Variants in POU6F2 observed in about 807,000 individuals in gnomAD.
POU6F2 encodes POU class 6 homeobox 2.
In POU6F2, 31 loss-of-function variants were observed where a neutral mutation model predicts 71.3. That is an observed-to-expected ratio of 0.43 (90% CI 0.33 to 0.59). POU6F2 has a LOEUF of 0.59. Ranked by LOEUF, POU6F2 falls within the 20% of genes least tolerant of loss-of-function variation. POU6F2 has a pLI of 0.04. For missense variants in POU6F2, 783 were observed against 856.8 expected, an observed-to-expected ratio of 0.91 and a Z score of 1.07; for synonymous variants, 347 against 355.7, an observed-to-expected ratio of 0.98 and a Z score of 0.27.
intron 1 of POU6F2, chr7:39,006,761 G>T: frequency 7.8e-7 from 1 of 1,276,368 alleles, no homozygotes; most frequent in South Asian, 1.2e-5. Flanking sequence ...TTCTAGGCAT[G>T]AACTCTCTTG....
chr7:39,183,163 C>A (rs760787612), intron 2 of POU6F2, among the ~76,000 whole-genome samples: 2 of 152,114 alleles, frequency 1.3e-5, no homozygotes, highest in South Asian at 2.1e-4. Context: ...ACTGTGCATG[C>A]GAGGGATCTA....
At chr7:39,267,381 A>G (rs1447173989) in intron 4 of POU6F2, among the ~76,000 whole-genome samples, 1 of 152,180 alleles carries the variant, frequency 6.6e-6, no homozygotes, top group Non-Finnish European at 1.5e-5. Flanking sequence ...TCATTTATGT[A>G]TTCAATAAAT....
intron 6 of POU6F2, among the ~76,000 whole-genome samples, chr7:39,426,398 GTCCCAGTGGCCAT>G (rs1276632226): frequency 3.9e-5 from 6 of 152,106 alleles, no homozygotes; most frequent in Admixed American, 6.5e-5. Flanking sequence ...CTCTGGTGTT[GTCCCAGTGGCCAT>G]TCCCCAAGGG....
At chr7:39,119,829 T>C (rs1792005608) in intron 2 of POU6F2, among the ~76,000 whole-genome samples, 1 of 152,212 alleles carries the variant, frequency 6.6e-6, no homozygotes, top group Non-Finnish European at 1.5e-5. Context: ...CTATAATTTC[T>C]CCAGGTCAAT....
intron 1 of POU6F2, among the ~76,000 whole-genome samples, chr7:39,078,182 T>C (rs1791036490): frequency 6.6e-6 from 1 of 152,202 alleles, no homozygotes; most frequent in South Asian, 2.1e-4. Flanking sequence ...GCCAATTATT[T>C]CCAAATAGTT....
intron 5 of POU6F2, among the ~76,000 whole-genome samples, chr7:39,372,952 T>A (rs1583557745): frequency 6.6e-6 from 1 of 152,050 alleles, no homozygotes; most frequent in Non-Finnish European, 1.5e-5. Flanking sequence ...ATTTAAAAAA[T>A]TAAAATATAA....
intron 2 of POU6F2, among the ~76,000 whole-genome samples, chr7:39,192,711 A>G (rs1793693434): frequency 6.6e-6 from 1 of 152,194 alleles, no homozygotes; most frequent in South Asian, 2.1e-4. Context: ...GCATTCCTCC[A>G]GCACATTTTC....
chr7:39,309,853 C>A (rs1349541990), intron 4 of POU6F2, among the ~76,000 whole-genome samples: 1 of 152,168 alleles, frequency 6.6e-6, no homozygotes, highest in African/African-American at 2.4e-5. Context: ...GCCTTTTAAA[C>A]CTTTTCTCGC....
At chr7:39,266,119 G>T in intron 4 of POU6F2, among the ~76,000 whole-genome samples, 1 of 152,178 alleles carries the variant, frequency 6.6e-6, no homozygotes, top group African/African-American at 2.4e-5. Context: ...GATTCACCAG[G>T]CCTTTTTCAT....
rs745726206 is a variant in POU6F2 at position 39,174,232 on chromosome 7, GA to G, written c.278-30000del. 5.0e-4 allele frequency among the ~76,000 whole-genome samples: 76 copies of G among 152,196 alleles called. 1 individual carries two copies. Among genetic ancestry groups the G allele is most frequent in the Non-Finnish European group, 8.2e-4 (56 of 68,026 alleles). On this transcript the variant is annotated intron_variant, in intron 2 of 9. Coordinates refer to ENST00000518318, the MANE Select transcript of POU6F2 (RefSeq NM_001370959.1). ...CCAAATCTCACAGATAATGCTGTAT[GA>G]AAGGCAAATGCTCTTGCTGACCAAC...
rs1788663072 is a variant in POU6F2, at chr7:39,451,590, C to T, written c.1378C>T (p.His460Tyr). Reference sequence around the variant, plus strand: ...AGCAGCCTCCCAAGGCAACCTTCTGCACCTGGCTCACAGCCAAGCATCCAT... The same window carrying T: ...AGCAGCCTCCCAAGGCAACCTTCTGTACCTGGCTCACAGCCAAGCATCCAT... The part of the protein sequence containing the change: ...GQAASQGNLL[H>Y]LAHSQASMSQ... Residue 460 changes from histidine (H) to tyrosine (Y), a missense_variant, in exon 8 of 10, where the codon CAC becomes TAC. Transcript: ENST00000518318. 6.2e-7 allele frequency: 1 copy of T among 1,613,760 alleles called. No homozygotes were observed. Among genetic ancestry groups the T allele is most frequent in the Non-Finnish European group, 8.5e-7 (1 of 1,179,752 alleles).
intron 2 of POU6F2, among the ~76,000 whole-genome samples, chr7:39,124,076 T>G (rs1405027404): frequency 1.4e-5 from 2 of 142,490 alleles, no homozygotes; most frequent in Non-Finnish European, 1.5e-5. Flanking sequence ...AGACAGAGTC[T>G]TGCTCTGTCA....
At chr7:39,353,662 A>C (rs1382339827) in intron 5 of POU6F2, among the ~76,000 whole-genome samples, 1 of 152,198 alleles carries the variant, frequency 6.6e-6, no homozygotes, top group East Asian at 1.9e-4. Context: ...TTTTGAGAGA[A>C]TGACTAAGCA....
chr7:39,064,877 A>G (rs1790726351), intron 1 of POU6F2, among the ~76,000 whole-genome samples: 1 of 151,914 alleles, frequency 6.6e-6, no homozygotes, highest in Non-Finnish European at 1.5e-5. Flanking sequence ...ATTGACATCT[A>G]ATTGAAACAT....
chr7:39,105,018 G>C (rs1323816018), intron 2 of POU6F2, among the ~76,000 whole-genome samples: 1 of 152,110 alleles, frequency 6.6e-6, no homozygotes, highest in African/African-American at 2.4e-5. Flanking sequence ...GACATTAAGA[G>C]GTTTAGTTTA....
intron 1 of POU6F2, among the ~76,000 whole-genome samples, chr7:39,066,992 A>G (rs1184697720): frequency 6.8e-6 from 1 of 148,114 alleles, no homozygotes; most frequent in Non-Finnish European, 1.5e-5. Context: ...TGCATTGTAT[A>G]TAATTCATAT....
intron 2 of POU6F2, among the ~76,000 whole-genome samples, chr7:39,168,123 A>G (rs1584579261): frequency 6.6e-6 from 1 of 152,236 alleles, no homozygotes; most frequent in South Asian, 2.1e-4. Context: ...ATTAGATCTT[A>G]TAAGAGATTT....
At chr7:39,371,011 A>G (rs1433834516) in intron 5 of POU6F2, among the ~76,000 whole-genome samples, 1 of 152,186 alleles carries the variant, frequency 6.6e-6, no homozygotes, top group Non-Finnish European at 1.5e-5. Context: ...AACTAGTACC[A>G]TCCCTTTCTC....
chr7:39,246,151 A>G (rs920688676), intron 4 of POU6F2, among the ~76,000 whole-genome samples: 8 of 152,148 alleles, frequency 5.3e-5, no homozygotes, highest in African/African-American at 1.2e-4. Context: ...ATGTTGGTCA[A>G]CCTTTAGGAA....
Sources: allele counts gnomAD v4.1 joint callset (sites outside exome capture counted in the v4.1 genomes callset), GRCh38; gene constraint gnomAD v4.1.1; transcripts MANE v1.5; gene names NCBI Gene and HGNC (gene_info 2026-07-23, HGNC 2026-07-21).